The following RALYL variants were observed in gnomAD, a reference collection of about 807,000 sequenced individuals.
RALYL encodes the protein RNA-binding Raly-like protein.
Under a neutral mutation model 35.1 loss-of-function variants are expected in RALYL, and 29 were observed. The observed-to-expected ratio is 0.83, with a 90% CI of 0.61 to 1.13. The LOEUF is 1.13. RALYL is among the 50% of genes most tolerant of loss of function. RALYL has a pLI of 0.00. For synonymous variants in RALYL, 120 were observed against 127.6 expected (o/e 0.94, Z 0.40); for missense variants, 359 against 360.4 (o/e 1.00, Z 0.03).
At chr8:84,297,374 A>G (rs576044397) in intron 1 of RALYL, among the ~76,000 whole-genome samples, 1 of 152,222 alleles carries the variant, frequency 6.6e-6, no homozygotes, top group South Asian at 2.1e-4. Flanking sequence ...TGTTGCTGCA[A>G]AAGACATGAT....
intron 1 of RALYL, among the ~76,000 whole-genome samples, chr8:84,494,691 C>T (rs1016301826): frequency 1.3e-5 from 2 of 151,980 alleles, no homozygotes; most frequent in Non-Finnish European, 2.9e-5. Context: ...TGATTTGGCT[C>T]TCTGTTTGTC....
chr8:84,885,793 C>A (rs995598790), intron 7 of RALYL, among the ~76,000 whole-genome samples: 2 of 152,234 alleles, frequency 1.3e-5, no homozygotes, highest in African/African-American at 4.8e-5. Context: ...TCTGTGATCT[C>A]AACAGGCCTC....
At chr8:84,570,309 A>T (rs958640524) in intron 2 of RALYL, among the ~76,000 whole-genome samples, 1 of 151,448 alleles carries the variant, frequency 6.6e-6, no homozygotes, top group Non-Finnish European at 1.5e-5. Flanking sequence ...CTAGTTGGTT[A>T]AATGTATTCT....
chr8:84,423,120 C>T (rs1217486989), intron 1 of RALYL, among the ~76,000 whole-genome samples: 4 of 150,444 alleles, frequency 2.7e-5, no homozygotes, highest in African/African-American at 9.9e-5. Flanking sequence ...CTTTCTGTCT[C>T]GTTGATCTGT....
chr8:84,913,909 A>G (rs1446942921), intron 8 of RALYL, among the ~76,000 whole-genome samples: 1 of 151,940 alleles, frequency 6.6e-6, no homozygotes, highest in Non-Finnish European at 1.5e-5. Flanking sequence ...GATTAATTTT[A>G]TGCAATTTTA....
In RALYL at chr8:84,775,240, G is replaced by A. The variant is rs550189374; in HGVS notation, c.332+586G>A. On this transcript the variant is annotated intron_variant, in intron 3 of 8. Transcript: ENST00000521268. ...CAAAGTGCTGGGATTACAGGCATGA[G>A]CCACCACGCCCAGCCCTTGGTTGAC... Among the ~76,000 whole-genome samples, 3 of 152,296 alleles carry A rather than the reference G, an allele frequency of 2.0e-5. No homozygotes were observed. The South Asian group carries it at 6.2e-4, about 32-fold the overall frequency.
intron 1 of RALYL, among the ~76,000 whole-genome samples, chr8:84,430,826 TA>T (rs1463043367): frequency 1.3e-5 from 2 of 152,276 alleles, no homozygotes; most frequent in East Asian, 3.9e-4. Flanking sequence ...TCCTGTAATA[TA>T]ACCTTCAATA....
chr8:84,702,325 C>T (rs1198698068), intron 2 of RALYL, among the ~76,000 whole-genome samples: 1 of 152,208 alleles, frequency 6.6e-6, no homozygotes, highest in East Asian at 1.9e-4. Flanking sequence ...CTTAATTCAG[C>T]CCTAAATCAT....
At chr8:84,594,285 A>T (rs1813963402) in intron 2 of RALYL, among the ~76,000 whole-genome samples, 1 of 152,114 alleles carries the variant, frequency 6.6e-6, no homozygotes, top group Non-Finnish European at 1.5e-5. Context: ...AATAAATTAG[A>T]CAAAATAGGA....
At chr8:84,865,007 C>T (rs1368462678) in intron 6 of RALYL, 1 of 191,888 alleles carries the variant, frequency 5.2e-6, no homozygotes, top group African/African-American at 2.3e-5. Flanking sequence ...ATTAGTGTTA[C>T]TTTAGTGAAA....
chr8:84,397,120 G>C (rs1463987429), intron 1 of RALYL, among the ~76,000 whole-genome samples: 1 of 152,078 alleles, frequency 6.6e-6, no homozygotes, highest in African/African-American at 2.4e-5. Context: ...GACAACAGTG[G>C]CAGAGGCCGG....
Position 84,588,127 on chromosome 8 carries a change from G to A in RALYL, c.256+58550G>A, listed in dbSNP as rs138596570. 6.6e-5 allele frequency among the ~76,000 whole-genome samples: 10 copies of A among 152,222 alleles called. 2 individuals are homozygous for A. The highest frequency in any genetic ancestry group is 2.4e-4 in the African/African-American group (10 of 41,540). On this transcript the variant is annotated intron_variant, in intron 2 of 8. Transcript: ENST00000521268. ...CATCACTCTCCTCAGCTGGTGAAGTGCTGGGCTGTAGAAATGTGTAGGACC... is the reference window on the plus strand; with the variant it reads ...CATCACTCTCCTCAGCTGGTGAAGTACTGGGCTGTAGAAATGTGTAGGACC...
At chr8:84,374,028 G>C (rs751274799) in intron 1 of RALYL, among the ~76,000 whole-genome samples, 2 of 151,914 alleles carry the variant, frequency 1.3e-5, no homozygotes, top group East Asian at 3.9e-4. Context: ...TAGTCTATAG[G>C]AATGCTAGTA....
At chr8:84,595,492 G>C (rs1814283846) in intron 2 of RALYL, among the ~76,000 whole-genome samples, 1 of 152,108 alleles carries the variant, frequency 6.6e-6, no homozygotes, top group Non-Finnish European at 1.5e-5. Context: ...CAAAAAACAA[G>C]ATTTGAATTC....
chr8:84,447,449 C>G (rs570376853), intron 1 of RALYL, among the ~76,000 whole-genome samples: 2 of 151,992 alleles, frequency 1.3e-5, no homozygotes, highest in Non-Finnish European at 1.5e-5. Context: ...AGGTCACACA[C>G]AGGCCCACAG....
intron 2 of RALYL, among the ~76,000 whole-genome samples, chr8:84,568,137 G>A (rs2061920673): frequency 6.6e-6 from 1 of 150,510 alleles, no homozygotes; most frequent in South Asian, 2.1e-4. Flanking sequence ...CCATGTTGGG[G>A]TGCTGCACCC....
At chr8:84,302,988 G>T (rs549227605) in intron 1 of RALYL, among the ~76,000 whole-genome samples, 5 of 152,268 alleles carry the variant, frequency 3.3e-5, no homozygotes, top group Admixed American at 2.0e-4. Flanking sequence ...GTAGGAGTTT[G>T]TGTACTAGAG....
chr8:84,717,039 T>C (rs1370598382), intron 2 of RALYL, among the ~76,000 whole-genome samples: 3 of 151,976 alleles, frequency 2.0e-5, no homozygotes, highest in African/African-American at 7.2e-5. Context: ...ATACAAAAAT[T>C]AGCCATGCAT....
At chr8:84,472,326 G>A (rs2052875721) in intron 1 of RALYL, among the ~76,000 whole-genome samples, 1 of 152,140 alleles carries the variant, frequency 6.6e-6, no homozygotes, top group African/African-American at 2.4e-5. Flanking sequence ...GACAAAAAGA[G>A]GATGTTGGAA....
Sources: allele counts gnomAD v4.1 joint callset (sites outside exome capture counted in the v4.1 genomes callset), GRCh38; gene constraint gnomAD v4.1.1; transcripts MANE v1.5; gene names NCBI Gene and HGNC (gene_info 2026-07-23, HGNC 2026-07-21).